The following FBXO40 variants were observed in gnomAD, a reference collection of about 807,000 sequenced individuals.
FBXO40 encodes F-box protein 40.
Under a neutral mutation model 49.9 loss-of-function variants are expected in FBXO40, and 50 were observed. That is an observed-to-expected ratio of 1.00 (90% CI 0.80 to 1.27). The LOEUF (loss-of-function observed/expected upper bound fraction) is 1.27. FBXO40 is among the 50% of genes most tolerant of loss of function. The pLI is 0.00. For missense variants in FBXO40, 895 were observed against 870.1 expected, an observed-to-expected ratio of 1.03 and a Z score of -0.36; for synonymous variants, 340 against 320.2, an observed-to-expected ratio of 1.06 and a Z score of -0.66.
intron 1 of FBXO40, among the ~76,000 whole-genome samples, 172 bp downstream of exon 1, chr3:121,593,674 G>A (rs1001824146): frequency 1.5e-4 from 23 of 152,322 alleles, no homozygotes; most frequent in African/African-American, 4.8e-4. Flanking sequence ...ATCCAGCCGT[G>A]TGTAAATTTC....
chr3:121,609,968 C>T (rs2048955877), intron 1 of FBXO40, among the ~76,000 whole-genome samples: 2 of 152,210 alleles, frequency 1.3e-5, no homozygotes, highest in African/African-American at 4.8e-5. Context: ...GCTAATTGTC[C>T]AACAGGAAAT....
chr3:121,622,469 T>C lies in FBXO40; in HGVS notation c.1040T>C (p.Val347Ala), dbSNP rs1442441214. The C allele has an allele frequency of 1.2e-6, 2 of 1,614,082 alleles. No homozygotes were observed. Among genetic ancestry groups the C allele is most frequent in the East Asian group, 4.5e-5 (2 of 44,888 alleles). ...CTGGAGGCTCAGGAAGTTAAGACTG[T>C]TTACACCTTCAAAGTTCCTGTGAGC... ...GKLEAQEVKT[V>A]YTFKVPVSYC... Residue 347 changes from valine (V) to alanine (A), a missense_variant, in exon 3 of 4, where the codon GTT becomes GCT. By Grantham distance (64) the Val-to-Ala change is moderately conservative. Transcript: ENST00000338040.
At position 121,628,068 on chromosome 3, in the gene FBXO40, TAAGAACAAAAGTAA is replaced by T. The variant is rs2049072369; in HGVS notation, c.*1164_*1177del. The stretch of plus-strand genomic sequence containing the variant: ...TTTGGTAACAAACAGTGAATATTCA[TAAGAACAAAAGTAA>T]AAGAAAAAAAGACACAGTAGAAACT... On this transcript the variant is annotated 3_prime_UTR_variant, in exon 4 of 4. Coordinates refer to ENST00000338040, the MANE Select transcript of FBXO40 (RefSeq NM_016298.4). 2.5e-6 allele frequency: 1 copy of T among 396,988 alleles called. No homozygotes were observed. The highest frequency in any genetic ancestry group is 4.4e-6 in the Non-Finnish European group (1 of 225,616). 24.6% of individuals were successfully genotyped at this position (396,988 alleles called of 1,614,324 possible). A position where few individuals can be genotyped will look rare whatever the true frequency, so the allele number is the denominator to read the frequency against.
chr3:121,612,689 C>G (rs188828223), intron 1 of FBXO40, among the ~76,000 whole-genome samples: 1 of 151,984 alleles, frequency 6.6e-6, no homozygotes, highest in Non-Finnish European at 1.5e-5. Flanking sequence ...CAAATCAAGC[C>G]GAAGTATAGT....
Position 121,622,247 on chromosome 3 carries a change from A to T in FBXO40, c.818A>T (p.Gln273Leu). 6.2e-7 allele frequency: 1 copy of T among 1,614,268 alleles called. No individual in the cohort carries two copies. Residue 273 changes from glutamine to leucine, a missense_variant, in exon 3 of 4, where the codon CAG (glutamine) becomes CTG (leucine). By Grantham distance (113) the Gln-to-Leu change is moderately radical. Coordinates refer to ENST00000338040, the MANE Select transcript of FBXO40 (RefSeq NM_016298.4). ...AAAAAGAAAGAACCACAGGAAAATC[A>T]GAAGCAGCAGGACGTTCGTACAGCC... The part of the protein sequence containing the change: ...APKKKEPQEN[Q>L]KQQDVRTAME...
In FBXO40 at chr3:121,630,080, A is replaced by C. The variant is rs2049085242; in HGVS notation, c.*3170A>C. On this transcript the variant is annotated 3_prime_UTR_variant, in exon 4 of 4. Transcript: ENST00000338040. ...GCCTTAGTAGCATAAGGGTCTGGAAAAGAAGTTTCTATCTCACAACAAAGG... is the reference window on the plus strand; with the variant it reads ...GCCTTAGTAGCATAAGGGTCTGGAACAGAAGTTTCTATCTCACAACAAAGG... The C allele has an allele frequency of 6.6e-6, 1 of 152,254 alleles. No homozygotes were observed. Among genetic ancestry groups the C allele is most frequent in the Non-Finnish European group, 1.5e-5 (1 of 68,048 alleles). The allele number at this position is 152,254 out of a possible 1,614,324, so 9.4% of individuals were successfully genotyped here. A position where few individuals can be genotyped will look rare whatever the true frequency, so the allele number is the denominator to read the frequency against.
intron 1 of FBXO40, among the ~76,000 whole-genome samples, chr3:121,612,219 A>G (rs1040422134): frequency 5.9e-5 from 9 of 152,200 alleles, no homozygotes; most frequent in African/African-American, 2.2e-4. Flanking sequence ...ATGTACCCAT[A>G]GAGTGCCCCT....
Position 121,621,498 on chromosome 3 carries a change from C to T in FBXO40, c.69C>T (p.Cys23=), listed in dbSNP as rs2049029329. ...GTGAGGGATGCTTCAACCGCCACTG[C>T]CACATTCCTGTGGAACCCAACACCT... The part of the protein sequence containing the change: ...RHCEGCFNRH[C]HIPVEPNTSC... The change falls in exon 3 of 4, where the codon TGC becomes TGT. Residue 23 remains cysteine (C), a synonymous_variant. Transcript: ENST00000338040. 6.2e-7 allele frequency: 1 copy of T among 1,614,238 alleles called. No homozygotes were observed. The highest frequency in any genetic ancestry group is 8.5e-7 in the Non-Finnish European group (1 of 1,180,046).
chr3:121,608,125 G>A (rs1048456120), intron 1 of FBXO40, among the ~76,000 whole-genome samples: 1 of 152,156 alleles, frequency 6.6e-6, no homozygotes, highest in Non-Finnish European at 1.5e-5. Context: ...TTAGTGCAGT[G>A]GCCTTGGCCC....
chr3:121,622,153 A>G lies in FBXO40; in HGVS notation c.724A>G (p.Asn242Asp). The change falls in exon 3 of 4, where the codon AAC (asparagine) becomes GAC (aspartate). Residue 242 changes from asparagine to aspartate, a missense_variant. Asn to Asp is a conservative substitution (Grantham distance 23, BLOSUM62 1). Transcript: ENST00000338040. ...TNSSASCESK[N>D]KNDSEKEQIS... ...TTCATCAGCGAGCTGTGAGAGCAAG[A>G]ACAAGAATGACTCCGAGAAAGAACA... 1.2e-6 allele frequency: 2 copies of G among 1,614,186 alleles called. No homozygotes were observed. The highest frequency in any genetic ancestry group is 1.7e-6 in the Non-Finnish European group (2 of 1,180,030).
In FBXO40 at chr3:121,626,702, A is replaced by G; in HGVS notation, c.1922A>G (p.Gln641Arg). The change falls in exon 4 of 4, where the codon CAG becomes CGG. Residue 641 changes from glutamine to arginine, a missense_variant. Gln to Arg is a conservative substitution (Grantham distance 43, BLOSUM62 1). Coordinates refer to ENST00000338040, the MANE Select transcript of FBXO40 (RefSeq NM_016298.4). ...TSWRVHREIW[Q>R]FSSLFSKIKS... ...TTCTATCTTTCTCAACAGATCTGGC[A>G]GTTCAGCAGCCTCTTCTCCAAAATC... The G allele has an allele frequency of 6.2e-7, 1 of 1,614,144 alleles. No homozygotes were observed.
chr3:121,621,747 C>G lies in FBXO40; in HGVS notation c.318C>G (p.Asp106Glu). The G allele has an allele frequency of 6.2e-7, 1 of 1,614,258 alleles. No homozygotes were observed. The highest frequency in any genetic ancestry group is 8.5e-7 in the Non-Finnish European group (1 of 1,180,048). ...AGTGGAACCGCTGGCCAAATGTGGACTCTGAAACCACCCTTCATGAAAACA... is the reference window on the plus strand; with the variant it reads ...AGTGGAACCGCTGGCCAAATGTGGAGTCTGAAACCACCCTTCATGAAAACA... ...SMEWNRWPNV[D>E]SETTLHENIM... Residue 106 changes from aspartate (D) to glutamate (E), a missense_variant, in exon 3 of 4, where the codon GAC (aspartate) becomes GAG (glutamate). Asp to Glu is a conservative substitution (Grantham distance 45). Transcript: ENST00000338040.
At chr3:121,617,245 G>A (rs937591483) in intron 1 of FBXO40, among the ~76,000 whole-genome samples, 18 of 152,156 alleles carry the variant, frequency 1.2e-4, no homozygotes, top group Admixed American at 9.8e-4. Context: ...GATTCTGTAT[G>A]CATATAAGAA....
Position 121,623,175 on chromosome 3 carries a change from G to C in FBXO40, c.1746G>C (p.Lys582Asn). ...CCAGCCTGCCCCTGGAGATTTTGAA[G>C]TACATTGCTGGGTTCTTGGACAGCG... ...SLTSLPLEILKYIAGFLDSVS... is the reference protein window; with the variant it reads ...SLTSLPLEILNYIAGFLDSVS... Residue 582 changes from lysine (K) to asparagine (N), a missense_variant, in exon 3 of 4, where the codon AAG (lysine) becomes AAC (asparagine). Physicochemically the swap from Lys to Asn is moderately conservative, Grantham distance 94. Coordinates refer to ENST00000338040, the MANE Select transcript of FBXO40 (RefSeq NM_016298.4). The C allele has an allele frequency of 6.2e-7, 1 of 1,614,192 alleles. No individual in the cohort carries two copies. The highest frequency in any genetic ancestry group is 8.5e-7 in the Non-Finnish European group (1 of 1,180,028).
At chr3:121,620,415 G>T in intron 1 of FBXO40, 131 bp from the exon 2 acceptor site, 1 of 729,210 alleles carries the variant, frequency 1.4e-6, no homozygotes, top group East Asian at 2.8e-5. Context: ...ACTCAAACAT[G>T]GAGATAAAGA....
intron 1 of FBXO40, among the ~76,000 whole-genome samples, chr3:121,612,588 T>A (rs1055590265): frequency 1.6e-4 from 24 of 152,104 alleles, no homozygotes; most frequent in Non-Finnish European, 2.9e-4. Flanking sequence ...ATCAAACATA[T>A]ACAAGCGTAT....
chr3:121,596,036 TAAA>T (rs1483308460), intron 1 of FBXO40, among the ~76,000 whole-genome samples: 1 of 152,210 alleles, frequency 6.6e-6, no homozygotes, highest in Non-Finnish European at 1.5e-5. Flanking sequence ...CTACTAACTT[TAAA>T]ATTATAGAAA....
chr3:121,617,737 C>T (rs2049006203), intron 1 of FBXO40, among the ~76,000 whole-genome samples: 1 of 152,166 alleles, frequency 6.6e-6, no homozygotes, highest in African/African-American at 2.4e-5. Context: ...TAGTGGCTCA[C>T]ACCTGTAATC....
At chr3:121,625,902 G>A (rs1686652947) in intron 3 of FBXO40, among the ~76,000 whole-genome samples, 1 of 152,204 alleles carries the variant, frequency 6.6e-6, no homozygotes, top group Non-Finnish European at 1.5e-5. Context: ...ATTAGGCTAT[G>A]CCTACTCACA....
Sources: gnomAD v4.1 joint callset for allele counts (sites outside exome capture counted in the v4.1 genomes callset) on GRCh38, gnomAD v4.1.1 for gene constraint, MANE v1.5 for transcripts, NCBI Gene and HGNC (gene_info 2026-07-23, HGNC 2026-07-21) for gene names.